KAZN: variants seen among roughly 807,000 people sequenced by gnomAD.
KAZN encodes kazrin, periplakin interacting protein.
In KAZN, 40 loss-of-function variants were observed where a neutral mutation model predicts 87.4. The observed-to-expected ratio is 0.46, with a 90% CI of 0.36 to 0.60. KAZN has a LOEUF of 0.60. Ranked by LOEUF, KAZN falls within the 20% of genes least tolerant of loss-of-function variation. KAZN has a pLI of 0.00. For missense variants in KAZN, 898 were observed against 1,073.9 expected, an observed-to-expected ratio of 0.84 and a Z score of 2.29; for synonymous variants, 466 against 458.3, an observed-to-expected ratio of 1.02 and a Z score of -0.22.
intron 2 of KAZN, among the ~76,000 whole-genome samples, chr1:14,374,373 G>T (rs1406277739): frequency 6.6e-6 from 1 of 152,198 alleles, no homozygotes; most frequent in East Asian, 1.9e-4. Flanking sequence ...GGGGGATCAA[G>T]TCTCAAGTAC....
chr1:14,226,944 G>C (rs912700009), intron 2 of KAZN, among the ~76,000 whole-genome samples: 2 of 152,098 alleles, frequency 1.3e-5, no homozygotes, highest in Non-Finnish European at 2.9e-5. Flanking sequence ...TACAGGTTGG[G>C]TACTACGCTG....
chr1:14,018,317 T>C (rs961798713), intron 1 of KAZN, among the ~76,000 whole-genome samples: 5 of 152,184 alleles, frequency 3.3e-5, no homozygotes, highest in African/African-American at 1.2e-4. Flanking sequence ...GAGAAGACGA[T>C]GTTTGATTCT....
At position 14,134,971 on chromosome 1, in the gene KAZN, A is replaced by ACG. The variant is rs1282222518; in HGVS notation, c.92-45463_92-45462insGC. 5.7e-4 allele frequency among the ~76,000 whole-genome samples: 6 copies of ACG among 10,448 alleles called. No individual in the cohort carries two copies. The Admixed American group carries it at 7.5e-3, about 13-fold the overall frequency. The allele number at this position is 10,448 out of a possible 152,430, so 6.9% of individuals were successfully genotyped here. A position where few individuals can be genotyped will look rare whatever the true frequency, so the allele number is the denominator to read the frequency against. The stretch of plus-strand genomic sequence containing the variant: ...CAAGCATGCATGCATATGCACCCGC[A>ACG]CACACACACACACACACACACACAC... On this transcript the variant is annotated intron_variant, in intron 1 of 16. Transcript: ENST00000636203.
At chr1:14,763,312 C>A (rs1487044719) in intron 1 of KAZN, among the ~76,000 whole-genome samples, 1 of 152,226 alleles carries the variant, frequency 6.6e-6, no homozygotes, top group African/African-American at 2.4e-5. Context: ...GCAAGGAATT[C>A]CTCTTTCACT....
intron 2 of KAZN, among the ~76,000 whole-genome samples, chr1:14,563,874 CTT>C (rs540880203): frequency 7.1e-5 from 7 of 97,906 alleles, no homozygotes; most frequent in South Asian, 4.4e-4. Context: ...GTTCAAACTC[CTT>C]TTTTTTTTTT....
chr1:13,903,520 G>A (rs949444639), intron 1 of KAZN, among the ~76,000 whole-genome samples: 1 of 152,186 alleles, frequency 6.6e-6, no homozygotes, highest in Non-Finnish European at 1.5e-5. Context: ...GACTCCCATC[G>A]AAGGACAAAG....
intron 1 of KAZN, among the ~76,000 whole-genome samples, chr1:14,026,318 C>T (rs988960723): frequency 2.6e-5 from 4 of 152,092 alleles, no homozygotes; most frequent in Non-Finnish European, 5.9e-5. Flanking sequence ...GAATCTCATC[C>T]CCATTTTATA....
intron 2 of KAZN, among the ~76,000 whole-genome samples, chr1:14,198,775 A>G (rs150009579): frequency 1.6e-3 from 237 of 152,270 alleles, no homozygotes; most frequent in African/African-American, 5.5e-3. Context: ...ACATATGTTT[A>G]TTTATTCCAT....
intron 1 of KAZN, among the ~76,000 whole-genome samples, chr1:14,096,750 T>G (rs1350646882): frequency 6.6e-6 from 1 of 152,204 alleles, no homozygotes; most frequent in East Asian, 1.9e-4. Context: ...GTTCTCAGAC[T>G]CTGGAGATCA....
intron 1 of KAZN, among the ~76,000 whole-genome samples, chr1:14,748,225 TA>T (rs1291855068): frequency 1.3e-5 from 2 of 152,202 alleles, no homozygotes; most frequent in Non-Finnish European, 2.9e-5. Context: ...CATCTTTTAA[TA>T]AAAATGAATC....
intron 1 of KAZN, among the ~76,000 whole-genome samples, chr1:13,964,494 G>A (rs758340432): frequency 4.6e-5 from 7 of 152,192 alleles, no homozygotes; most frequent in Admixed American, 6.5e-5. Flanking sequence ...AGTTCTGGTC[G>A]TGGCTCACCT....
intron 2 of KAZN, among the ~76,000 whole-genome samples, chr1:14,514,598 TATATATATATATATATATATATA>T (rs1557770474): frequency 1.3e-4 from 4 of 30,878 alleles, no homozygotes; most frequent in African/African-American, 4.0e-4. Context: ...TTATATTTTA[TATATATATATATATATATATATA>T]TATATATATA....
chr1:14,798,595 C>G lies in KAZN; in HGVS notation c.227-162089C>G, dbSNP rs1258114593. On this transcript the variant is annotated intron_variant, in intron 1 of 14. Coordinates refer to ENST00000376030, the MANE Select transcript of KAZN (RefSeq NM_201628.3). ...GACTACAGGCGCCCGCCACCACACCCGGCTAATTTTTTGTATTTTTAATAG... is the reference window on the plus strand; with the variant it reads ...GACTACAGGCGCCCGCCACCACACCGGGCTAATTTTTTGTATTTTTAATAG... Among the ~76,000 whole-genome samples the G allele has an allele frequency of 1.3e-5, 2 of 151,494 alleles. 1 individual carries two copies. The highest frequency in any genetic ancestry group is 4.2e-4 in the South Asian group (2 of 4,796).
intron 1 of KAZN, among the ~76,000 whole-genome samples, chr1:14,688,621 C>T (rs1272723490): frequency 2.0e-5 from 3 of 152,208 alleles, no homozygotes; most frequent in Non-Finnish European, 4.4e-5. Flanking sequence ...AGGGGCTGTT[C>T]TGTGGATTCT....
intron 2 of KAZN, among the ~76,000 whole-genome samples, chr1:14,592,000 C>T (rs961880150): frequency 3.3e-5 from 5 of 152,082 alleles, no homozygotes; most frequent in South Asian, 2.1e-4. Context: ...GTTGGGGTTC[C>T]GCGGCCTGCA....
chr1:14,786,803 T>C (rs1645522158), intron 1 of KAZN, among the ~76,000 whole-genome samples: 1 of 152,174 alleles, frequency 6.6e-6, no homozygotes. Flanking sequence ...TAGAAGGATG[T>C]GGTGCTGACA....
rs117644951 is a variant in KAZN, at chr1:14,593,038, G to A, written c.250-5945G>A. Among the ~76,000 whole-genome samples the A allele has an allele frequency of 1.0e-3, 154 of 152,298 alleles. No homozygotes were observed. The East Asian group carries it at 0.023, about 23-fold the overall frequency. ...GCTGAGCACTGAAGGGATAAGAGGT[G>A]GAAGGAAGTGCAGGCAGTTTTGTGA... On this transcript the variant is annotated intron_variant, in intron 2 of 16. Transcript: ENST00000636203.
At chr1:14,278,085 G>A (rs537446029) in intron 2 of KAZN, among the ~76,000 whole-genome samples, 4 of 148,118 alleles carry the variant, frequency 2.7e-5, no homozygotes, top group African/African-American at 5.0e-5. Context: ...CAGGAGAATC[G>A]CCTGAATCTG....
chr1:14,595,019 C>T (rs1280388765), upstream of KAZN, among the ~76,000 whole-genome samples: 1 of 152,050 alleles, frequency 6.6e-6, no homozygotes, highest in Non-Finnish European at 1.5e-5. Context: ...GTGGTGGGCA[C>T]CTGTAACCCC....
Sources: gnomAD v4.1 joint callset for allele counts (sites outside exome capture counted in the v4.1 genomes callset) on GRCh38, gnomAD v4.1.1 for gene constraint, MANE v1.5 for transcripts, NCBI Gene and HGNC (gene_info 2026-07-23, HGNC 2026-07-21) for gene names.